Variants in CCSER1 observed in about 807,000 individuals in gnomAD.
The protein encoded by CCSER1 is coiled-coil serine rich protein 1, also known as serine-rich coiled-coil domain-containing protein 1.
A neutral mutation model predicts 82.0 loss-of-function variants in CCSER1; 41 were observed. That is an observed-to-expected ratio of 0.50 (90% CI 0.39 to 0.65). CCSER1 has a LOEUF of 0.65. Ranked by LOEUF, CCSER1 falls within the 30% of genes least tolerant of loss-of-function variation. The pLI, the probability that CCSER1 is intolerant of heterozygous loss-of-function variation, is 0.00. For synonymous variants in CCSER1, 414 were observed against 383.9 expected (o/e 1.08, Z -0.92); for missense variants, 1,119 against 1,064.2 (o/e 1.05, Z -0.72).
chr4:91,210,278 A>G (rs1460158989), intron 10 of CCSER1, among the ~76,000 whole-genome samples: 1 of 150,638 alleles, frequency 6.6e-6, no homozygotes, highest in Admixed American at 6.7e-5. Flanking sequence ...TTATTTATAT[A>G]TATAACATTA....
chr4:91,473,461 G>C (rs765219967), intron 10 of CCSER1, among the ~76,000 whole-genome samples: 6 of 151,976 alleles, frequency 3.9e-5, no homozygotes, highest in Non-Finnish European at 5.9e-5. Flanking sequence ...ATTTGGTCTG[G>C]GATTTCTTAG....
intron 1 of CCSER1, among the ~76,000 whole-genome samples, chr4:90,173,051 C>A (rs967403166): frequency 6.6e-6 from 1 of 151,716 alleles, no homozygotes; most frequent in Non-Finnish European, 1.5e-5. Flanking sequence ...TCAGTTTTTT[C>A]ATGCTGAACT....
chr4:91,285,011 T>A (rs1423758385), intron 10 of CCSER1, among the ~76,000 whole-genome samples: 2 of 152,044 alleles, frequency 1.3e-5, no homozygotes, highest in African/African-American at 2.4e-5. Context: ...ATGAATATAG[T>A]TGCAGCAGAC....
chr4:91,146,985 C>A (rs1729606503), intron 10 of CCSER1, among the ~76,000 whole-genome samples: 1 of 152,178 alleles, frequency 6.6e-6, no homozygotes, highest in Non-Finnish European at 1.5e-5. Flanking sequence ...ATTACTGGCA[C>A]TGTGCTTATG....
chr4:90,375,086 A>T (rs944684239), intron 3 of CCSER1, among the ~76,000 whole-genome samples: 1 of 152,196 alleles, frequency 6.6e-6, no homozygotes, highest in Non-Finnish European at 1.5e-5. Context: ...AAAGGATCTT[A>T]GTTTGGCAGC....
chr4:90,213,801 T>G (rs1022741211), intron 1 of CCSER1, among the ~76,000 whole-genome samples: 2 of 152,174 alleles, frequency 1.3e-5, no homozygotes, highest in Non-Finnish European at 2.9e-5. Flanking sequence ...AATATGAAGA[T>G]CATTCATTAC....
chr4:90,175,824 G>A (rs947729022), intron 1 of CCSER1, among the ~76,000 whole-genome samples: 2 of 151,978 alleles, frequency 1.3e-5, no homozygotes, highest in Non-Finnish European at 2.9e-5. Flanking sequence ...GATAGATATA[G>A]TAAGTGCAGT....
intron 10 of CCSER1, among the ~76,000 whole-genome samples, chr4:91,418,601 G>A (rs1395862892): frequency 6.6e-6 from 1 of 151,890 alleles, no homozygotes; most frequent in Non-Finnish European, 1.5e-5. Flanking sequence ...ACCCAACAAT[G>A]AAAACCTAGA....
chr4:90,294,735 T>C (rs1275517610), intron 1 of CCSER1, among the ~76,000 whole-genome samples: 1 of 152,076 alleles, frequency 6.6e-6, no homozygotes, highest in Non-Finnish European at 1.5e-5. Context: ...TTCATTCTGA[T>C]TGTTGAAGCA....
chr4:90,786,063 A>G (rs1283299827), intron 7 of CCSER1, among the ~76,000 whole-genome samples: 1 of 152,182 alleles, frequency 6.6e-6, no homozygotes, highest in African/African-American at 2.4e-5. Flanking sequence ...CCGTAGCTAC[A>G]GTCTGAATGG....
At chr4:91,420,486 T>C (rs1485244007) in intron 10 of CCSER1, among the ~76,000 whole-genome samples, 3 of 152,070 alleles carry the variant, frequency 2.0e-5, no homozygotes, top group Non-Finnish European at 2.9e-5. Flanking sequence ...AAAATCACAA[T>C]GAGATATTAC....
intron 1 of CCSER1, among the ~76,000 whole-genome samples, chr4:90,159,219 T>G (rs1728956555): frequency 6.6e-6 from 1 of 152,012 alleles, no homozygotes; most frequent in Non-Finnish European, 1.5e-5. Context: ...TTATTATTAT[T>G]ATTACTTGAG....
At chr4:91,284,970 TA>T (rs1743172370) in intron 10 of CCSER1, among the ~76,000 whole-genome samples, 1 of 151,916 alleles carries the variant, frequency 6.6e-6, no homozygotes, top group Non-Finnish European at 1.5e-5. Context: ...ATCTCCTTTC[TA>T]ATGAAAAAAT....
chr4:91,590,250 G>C (rs1764200800), intron 10 of CCSER1, among the ~76,000 whole-genome samples: 1 of 151,922 alleles, frequency 6.6e-6, no homozygotes, highest in Admixed American at 6.6e-5. Context: ...GTTTAACTCT[G>C]GACAATGTGC....
intron 1 of CCSER1, among the ~76,000 whole-genome samples, chr4:90,177,364 G>A (rs181427741): frequency 2.0e-5 from 3 of 152,004 alleles, no homozygotes; most frequent in African/African-American, 7.2e-5. Context: ...CTTTTTATTT[G>A]AAAGATTCCT....
chr4:90,181,730 T>G (rs1368035587), intron 1 of CCSER1, among the ~76,000 whole-genome samples: 4 of 152,172 alleles, frequency 2.6e-5, no homozygotes, highest in Non-Finnish European at 5.9e-5. Context: ...GAACAAGATG[T>G]GAATTGGCAG....
chr4:91,197,467 T>G (rs920151620), intron 10 of CCSER1, among the ~76,000 whole-genome samples: 8 of 152,224 alleles, frequency 5.3e-5, no homozygotes, highest in African/African-American at 1.9e-4. Flanking sequence ...TGTTGGGCAC[T>G]TAAATGTAGC....
chr4:90,657,072 G>A (rs578153923), intron 6 of CCSER1, among the ~76,000 whole-genome samples: 1 of 151,680 alleles, frequency 6.6e-6, no homozygotes, highest in Non-Finnish European at 1.5e-5. Context: ...CATCTATCTG[G>A]GATTATTGTC....
At chr4:91,192,727 C>G (rs1417544258) in intron 10 of CCSER1, among the ~76,000 whole-genome samples, 1 of 152,098 alleles carries the variant, frequency 6.6e-6, no homozygotes, top group Non-Finnish European at 1.5e-5. Flanking sequence ...CTTTCTAAAG[C>G]AAAGCTGTGC....
Sources: gnomAD v4.1 joint callset for allele counts (sites outside exome capture counted in the v4.1 genomes callset) on GRCh38, gnomAD v4.1.1 for gene constraint, MANE v1.5 for transcripts, NCBI Gene and HGNC (gene_info 2026-07-23, HGNC 2026-07-21) for gene names.